The following CPVL variants were observed in gnomAD, a reference collection of about 807,000 sequenced individuals.
CPVL encodes probable serine carboxypeptidase CPVL.
A neutral mutation model predicts 63.7 loss-of-function variants in CPVL; 51 were observed. That is an observed-to-expected ratio of 0.80 (90% CI 0.64 to 1.01). The LOEUF (loss-of-function observed/expected upper bound fraction) is 1.01. Among genes scored for constraint, CPVL ranks in the 50% least tolerant of loss-of-function variants. CPVL has a pLI of 0.00. For synonymous variants in CPVL, 195 were observed against 206.0 expected (o/e 0.95, Z 0.46); for missense variants, 530 against 573.1 (o/e 0.92, Z 0.77).
intron 12 of CPVL, among the ~76,000 whole-genome samples, chr7:29,005,833 A>G (rs1055866972): frequency 9.9e-5 from 15 of 152,218 alleles, no homozygotes; most frequent in African/African-American, 3.6e-4. Flanking sequence ...CTTGATATCC[A>G]CAAGAGGATA....
intron 1 of CPVL, among the ~76,000 whole-genome samples, chr7:29,132,397 C>G (rs943184036): frequency 2.0e-5 from 3 of 152,174 alleles, no homozygotes; most frequent in Non-Finnish European, 2.9e-5. Flanking sequence ...GGAAGTCCAA[C>G]AGTGTAACAC....
intron 1 of CPVL, among the ~76,000 whole-genome samples, chr7:29,133,647 C>G (rs1244834727): frequency 6.6e-6 from 1 of 152,196 alleles, no homozygotes; most frequent in East Asian, 1.9e-4. Flanking sequence ...CGTGGTGAAT[C>G]AGAAACATTT....
At chr7:29,036,538 T>C (rs1788545008) in intron 11 of CPVL, among the ~76,000 whole-genome samples, 1 of 152,218 alleles carries the variant, frequency 6.6e-6, no homozygotes, top group African/African-American at 2.4e-5. Flanking sequence ...AGGATAAACC[T>C]GAACTCTATA....
intron 5 of CPVL, among the ~76,000 whole-genome samples, chr7:29,152,786 T>A (rs925470322): frequency 2.0e-5 from 3 of 152,226 alleles, no homozygotes; most frequent in Non-Finnish European, 4.4e-5. Context: ...TTTCTCTCAG[T>A]AAATTTTGAC....
At chr7:29,173,092 A>G (rs558318581) in intron 5 of CPVL, among the ~76,000 whole-genome samples, 12 of 151,162 alleles carry the variant, frequency 7.9e-5, no homozygotes, top group South Asian at 2.1e-4. Flanking sequence ...GATTGCGCCA[A>G]TGTACTCCAG....
chr7:29,148,260 G>T (rs1793051978), upstream of CPVL, among the ~76,000 whole-genome samples: 1 of 152,150 alleles, frequency 6.6e-6, no homozygotes, highest in African/African-American at 2.4e-5. Flanking sequence ...ACTGGCCAAA[G>T]AATACCTGTG....
chr7:29,136,520 G>A (rs1791246648), intron 1 of CPVL, among the ~76,000 whole-genome samples: 1 of 152,042 alleles, frequency 6.6e-6, no homozygotes, highest in Non-Finnish European at 1.5e-5. Flanking sequence ...TAAGTCAATA[G>A]AAAATACCTC....
chr7:29,147,373 G>A (rs1300477262), upstream of CPVL: 1 of 164,260 alleles, frequency 6.1e-6, no homozygotes, highest in African/African-American at 2.4e-5. Context: ...TGAGCCCAGG[G>A]AAACCCGCAG....
intron 12 of CPVL, among the ~76,000 whole-genome samples, chr7:29,028,642 G>A (rs1787718348): frequency 6.6e-6 from 1 of 152,010 alleles, no homozygotes; most frequent in African/African-American, 2.4e-5. Flanking sequence ...AGCAACTGAA[G>A]AGCACAAACC....
At chr7:29,060,699 A>C (rs317708) in intron 11 of CPVL, among the ~76,000 whole-genome samples, 125,963 of 152,196 alleles carry the variant, frequency 0.83, 52,905 homozygotes, top group African/African-American at 0.94. Flanking sequence ...ACTACATGAA[A>C]ACGTAATTCC....
intron 1 of CPVL, among the ~76,000 whole-genome samples, chr7:29,134,352 C>T (rs1790979770): frequency 6.6e-6 from 1 of 152,204 alleles, no homozygotes; most frequent in Non-Finnish European, 1.5e-5. Flanking sequence ...GCTGACAAAT[C>T]CCTTCAACAC....
At chr7:29,181,274 A>G (rs1356763448) in intron 5 of CPVL, 1 of 152,208 alleles carries the variant, frequency 6.6e-6, no homozygotes, top group East Asian at 1.9e-4. Flanking sequence ...GCTCTACTCC[A>G]GCAGGCGTTA....
chr7:29,017,084 C>A (rs931460726), intron 12 of CPVL, among the ~76,000 whole-genome samples: 3 of 152,152 alleles, frequency 2.0e-5, no homozygotes, highest in African/African-American at 7.2e-5. Flanking sequence ...GTCTACTATC[C>A]AGGCCTGATG....
chr7:29,119,347 C>T (rs1210174782), intron 2 of CPVL, among the ~76,000 whole-genome samples: 3 of 152,054 alleles, frequency 2.0e-5, no homozygotes, highest in Non-Finnish European at 2.9e-5. Context: ...ATTAGCCGGG[C>T]GTGGTAGCAC....
chr7:29,075,502 A>G (rs1339542195), intron 7 of CPVL, among the ~76,000 whole-genome samples: 1 of 125,578 alleles, frequency 8.0e-6, no homozygotes, highest in Non-Finnish European at 1.6e-5. Flanking sequence ...AATCTTTTCT[A>G]TTGAGAAGAT....
At chr7:29,063,618 T>C (rs1159386689) in intron 11 of CPVL, among the ~76,000 whole-genome samples, 1 of 152,188 alleles carries the variant, frequency 6.6e-6, no homozygotes, top group Non-Finnish European at 1.5e-5. Flanking sequence ...TTGCCCAGGC[T>C]GGAGTGCAAT....
intron 7 of CPVL, among the ~76,000 whole-genome samples, chr7:29,080,558 A>T (rs1584200588): frequency 7.3e-5 from 1 of 13,638 alleles, no homozygotes; most frequent in Admixed American, 1.3e-3. Flanking sequence ...ACTTTGTCTC[A>T]AAAAAAAAAA....
At chr7:29,106,612 G>GA (rs1787744213) in intron 3 of CPVL, among the ~76,000 whole-genome samples, 1 of 152,088 alleles carries the variant, frequency 6.6e-6, no homozygotes, top group Non-Finnish European at 1.5e-5. Flanking sequence ...TGCTGCAAAG[G>GA]AGAAATGCTG....
intron 1 of CPVL, among the ~76,000 whole-genome samples, chr7:29,141,223 A>G (rs1791835659): frequency 6.6e-6 from 1 of 152,234 alleles, no homozygotes; most frequent in East Asian, 1.9e-4. Context: ...ATAGGAAGGC[A>G]ATGCAGTCCG....
Sources: gnomAD v4.1 joint callset for allele counts (sites outside exome capture counted in the v4.1 genomes callset) on GRCh38, gnomAD v4.1.1 for gene constraint, MANE v1.5 for transcripts, NCBI Gene and HGNC (gene_info 2026-07-23, HGNC 2026-07-21) for gene names.